Variants in NRXN3 observed in about 807,000 individuals in gnomAD.
NRXN3 encodes neurexin 3.
A neutral mutation model predicts 137.6 loss-of-function variants in NRXN3; 32 were observed. The ratio of observed to expected loss-of-function variants is 0.23; its 90% CI spans 0.18 to 0.31. The LOEUF (loss-of-function observed/expected upper bound fraction) is 0.31, where lower values mean the gene tolerates loss of function less well. Among genes scored for constraint, NRXN3 ranks in the 10% least tolerant of loss-of-function variants. The pLI, the probability that NRXN3 is intolerant of heterozygous loss-of-function variation, is 1.00. For missense variants in NRXN3, 1,574 were observed against 2,062.5 expected (o/e 0.76, Z 4.59); for synonymous variants, 798 against 784.5 (o/e 1.02, Z -0.29).
At chr14:78,336,365 C>T (rs1046991182) in intron 4 of NRXN3, among the ~76,000 whole-genome samples, 2 of 152,110 alleles carry the variant, frequency 1.3e-5, no homozygotes, top group South Asian at 2.1e-4. Flanking sequence ...TCTTCCCAGG[C>T]CTGAGTTTGA....
At chr14:79,833,603 G>C (rs1214681578) in intron 20 of NRXN3, among the ~76,000 whole-genome samples, 1 of 138,678 alleles carries the variant, frequency 7.2e-6, no homozygotes, top group Admixed American at 7.6e-5. Context: ...TTCTCAATAG[G>C]GTTTATTAAC....
intron 10 of NRXN3, among the ~76,000 whole-genome samples, chr14:78,860,240 A>C (rs1298654871): frequency 6.6e-6 from 1 of 152,148 alleles, no homozygotes; most frequent in African/African-American, 2.4e-5. Flanking sequence ...TTTATTAGCT[A>C]TTACATAGGT....
intron 15 of NRXN3, among the ~76,000 whole-genome samples, chr14:79,236,949 A>G (rs1192407046): frequency 1.3e-5 from 2 of 152,082 alleles, no homozygotes; most frequent in Non-Finnish European, 2.9e-5. Flanking sequence ...TTAGATCTGC[A>G]TATTATAAAA....
chr14:79,641,431 G>C (rs756966128), intron 16 of NRXN3, among the ~76,000 whole-genome samples: 1 of 135,632 alleles, frequency 7.4e-6, no homozygotes, highest in African/African-American at 2.5e-5. Flanking sequence ...GAGTGTATTC[G>C]TTATTGTCTA....
intron 10 of NRXN3, among the ~76,000 whole-genome samples, chr14:78,839,936 C>T (rs73319778): frequency 0.061 from 9,214 of 152,232 alleles, 907 homozygotes; most frequent in African/African-American, 0.21. Flanking sequence ...TGTTTTTATG[C>T]TTCCTTTATA....
intron 15 of NRXN3, among the ~76,000 whole-genome samples, chr14:79,243,334 C>T (rs991484047): frequency 2.0e-5 from 3 of 152,142 alleles, no homozygotes; most frequent in African/African-American, 4.8e-5. Context: ...GCAACTGGCT[C>T]AGCTAGATTT....
intron 15 of NRXN3, among the ~76,000 whole-genome samples, chr14:79,031,945 G>A (rs190711787): frequency 3.0e-3 from 461 of 152,134 alleles, no homozygotes; most frequent in Non-Finnish European, 5.1e-3. Context: ...TAGGTTTTCT[G>A]AACATTCCTC....
In NRXN3 at chr14:78,645,022, C is replaced by T. The variant is rs116055227; in HGVS notation, c.758-98C>T. On this transcript the variant is annotated intron_variant, in intron 4 of 20. Transcript: ENST00000335750. ...TGCTGTGTTGGTATCAGCACAAGAA[C>T]GGGGCAGTGCCCCTGCGGTGTGTTC... The T allele has an allele frequency of 2.8e-3, 2,971 of 1,063,576 alleles. 50 individuals are homozygous for T. In the African/African-American group the frequency reaches 0.038, roughly 13 times the overall value. 65.9% of individuals were successfully genotyped at this position (1,063,576 alleles called of 1,614,324 possible). A position where few individuals can be genotyped will look rare whatever the true frequency, so the allele number is the denominator to read the frequency against.
At chr14:79,581,356 C>G (rs1279381154) in intron 16 of NRXN3, among the ~76,000 whole-genome samples, 1 of 152,156 alleles carries the variant, frequency 6.6e-6, no homozygotes, top group African/African-American at 2.4e-5. Context: ...CTGATCCATC[C>G]CCAGTATTCA....
At chr14:78,814,135 G>A (rs982511136) in intron 10 of NRXN3, among the ~76,000 whole-genome samples, 1 of 152,304 alleles carries the variant, frequency 6.6e-6, no homozygotes, top group Non-Finnish European at 1.5e-5. Context: ...TACAGAGTGT[G>A]TAAATCAAGG....
chr14:78,226,162 C>A (rs954374835), intron 1 of NRXN3, among the ~76,000 whole-genome samples: 1 of 152,108 alleles, frequency 6.6e-6, no homozygotes, highest in Non-Finnish European at 1.5e-5. Context: ...TGCCACCACG[C>A]CCGACTAATT....
Position 78,937,161 on chromosome 14 carries a change from G to A in NRXN3, c.2276-20081G>A, listed in dbSNP as rs1014403645. On this transcript the variant is annotated intron_variant, in intron 10 of 20. Transcript: ENST00000335750. ...CACTTGAACCCAAGAGGCGTAGGTT[G>A]CAGTAAGTCCAGATCGTGCCATTGA... 6.1e-5 allele frequency among the ~76,000 whole-genome samples: 9 copies of A among 146,350 alleles called. No individual in the cohort carries two copies. The South Asian group carries it at 8.6e-4, about 14-fold the overall frequency.
chr14:79,071,562 G>A (rs2099687836), intron 15 of NRXN3, among the ~76,000 whole-genome samples: 2 of 152,138 alleles, frequency 1.3e-5, no homozygotes, highest in Admixed American at 1.3e-4. Flanking sequence ...TTGGATAGAT[G>A]GGTGGATGGA....
intron 4 of NRXN3, among the ~76,000 whole-genome samples, chr14:78,414,518 G>A (rs1358619563): frequency 1.3e-5 from 2 of 152,046 alleles, no homozygotes. Flanking sequence ...TGAAATAGGC[G>A]GCTTCAACCT....
At chr14:79,041,862 G>T (rs1472908403) in intron 15 of NRXN3, among the ~76,000 whole-genome samples, 1 of 152,076 alleles carries the variant, frequency 6.6e-6, no homozygotes, top group Non-Finnish European at 1.5e-5. Flanking sequence ...ATGTTCTAGG[G>T]TTTGTCATCA....
chr14:79,503,196 TTGA>T (rs2096841950), intron 16 of NRXN3, among the ~76,000 whole-genome samples: 1 of 152,356 alleles, frequency 6.6e-6, no homozygotes, highest in African/African-American at 2.4e-5. Context: ...TTCCCCTTTG[TTGA>T]TTTCTGTTTT....
At position 79,244,157 on chromosome 14, in the gene NRXN3, A is replaced by G. The variant is rs2074797356; in HGVS notation, c.3263-223064A>G. Among the ~76,000 whole-genome samples the G allele has an allele frequency of 1.3e-5, 2 of 152,126 alleles. 1 individual carries two copies. Among genetic ancestry groups the G allele is most frequent in the East Asian group, 3.9e-4 (2 of 5,178 alleles). On this transcript the variant is annotated intron_variant, in intron 15 of 20. Transcript: ENST00000335750. ...TATTGACTGGTCAGTCCCAAGATCT[A>G]GGCATTGAAGTTTCTAAGAGTCTCT...
chr14:78,660,132 A>C (rs2097825266), intron 6 of NRXN3, among the ~76,000 whole-genome samples: 1 of 152,068 alleles, frequency 6.6e-6, no homozygotes, highest in Non-Finnish European at 1.5e-5. Context: ...GAGGTCTCAA[A>C]GATCTTTGGT....
rs143363175 is a variant in NRXN3 at position 78,655,674 on chromosome 14, A to G, written c.1221+4348A>G. Among the ~76,000 whole-genome samples the G allele has an allele frequency of 9.8e-4, 150 of 152,338 alleles. 1 individual carries two copies. The highest frequency in any genetic ancestry group is 3.5e-3 in the African/African-American group (145 of 41,578). Reference sequence around the variant, plus strand: ...ATTAAAAAAAATGCACTCAATAAGTATGTCTGGAATAAATAAATAAATGAA... The same window carrying G: ...ATTAAAAAAAATGCACTCAATAAGTGTGTCTGGAATAAATAAATAAATGAA... On this transcript the variant is annotated intron_variant, in intron 6 of 20. Transcript: ENST00000335750.
Sources: allele counts gnomAD v4.1 joint callset (sites outside exome capture counted in the v4.1 genomes callset), GRCh38; gene constraint gnomAD v4.1.1; transcripts MANE v1.5; gene names NCBI Gene and HGNC (gene_info 2026-07-23, HGNC 2026-07-21).